Variants in HHIPL1 observed in about 807,000 individuals in gnomAD.
The protein encoded by HHIPL1 is HHIP like 1, also known as HHIP-like protein 1.
In HHIPL1, 43 loss-of-function variants were observed where a neutral mutation model predicts 61.8. The observed-to-expected ratio is 0.70, with a 90% CI of 0.55 to 0.90. The LOEUF is 0.90. HHIPL1 is among the 40% of genes least tolerant of loss of function. HHIPL1 has a pLI of 0.00. For synonymous variants in HHIPL1, 482 were observed against 515.8 expected, an observed-to-expected ratio of 0.93 and a Z score of 0.89; for missense variants, 1,056 against 1,157.7, an observed-to-expected ratio of 0.91 and a Z score of 1.28.
At chr14:99,652,117 T>C (rs2055940494) in intron 1 of HHIPL1, 107 bp from the exon 2 acceptor site, 6 of 1,043,834 alleles carry the variant, frequency 5.7e-6, no homozygotes, top group Non-Finnish European at 8.3e-6. Flanking sequence ...GTCTCCATTT[T>C]ATGGATCAGC....
chr14:99,652,495 C>G lies in HHIPL1; in HGVS notation c.527C>G (p.Ala176Gly). ...NLNSNLGHVV[A>G]DAKGCLQLCL... ...AACTCAAACCTGGGCCACGTGGTAG[C>G]CGATGCCAAGGGCTGCCTGCAGCTG... The change falls in exon 2 of 9, where the codon GCC becomes GGC. Residue 176 changes from alanine to glycine, a missense_variant. By Grantham distance (60) the Ala-to-Gly change is moderately conservative. Coordinates refer to ENST00000330710, the MANE Select transcript of HHIPL1 (RefSeq NM_001127258.3). 1 of 1,613,906 alleles carries G rather than the reference C, an allele frequency of 6.2e-7. No individual in the cohort carries two copies. The highest frequency in any genetic ancestry group is 8.5e-7 in the Non-Finnish European group (1 of 1,180,038).
intron 8 of HHIPL1, among the ~76,000 whole-genome samples, chr14:99,674,568 T>C (rs2056364413): frequency 6.6e-6 from 1 of 152,130 alleles, no homozygotes; most frequent in Non-Finnish European, 1.5e-5. Context: ...GTGTATCCCG[T>C]TCCCAACCTG....
chr14:99,609,386 G>A, the HHIPL1 span, among the ~76,000 whole-genome samples: 2 of 152,198 alleles, frequency 1.3e-5, no homozygotes, highest in African/African-American at 4.8e-5. Flanking sequence ...ATCTTCCCAT[G>A]AGGATATTTC....
the HHIPL1 span, among the ~76,000 whole-genome samples, chr14:99,637,270 G>T: frequency 8.3e-5 from 12 of 145,032 alleles, no homozygotes; most frequent in South Asian, 2.4e-3. Context: ...GAAAGAAAAA[G>T]TGTGGCAAGA....
rs1252386288 is a variant in HHIPL1, at chr14:99,676,827, G to C, written c.*1201G>C. The C allele has an allele frequency of 6.6e-6, 1 of 151,558 alleles. No individual in the cohort carries two copies. The highest frequency in any genetic ancestry group is 1.5e-5 in the Non-Finnish European group (1 of 67,990). 9.4% of individuals were successfully genotyped at this position (151,558 alleles called of 1,614,324 possible). ...CCTGGCTCTGTGCCAGGCCGCAGAG[G>C]GGCACTTAGTATGACTGCGCTCAGC... On this transcript the variant is annotated 3_prime_UTR_variant, in exon 9 of 9. Coordinates refer to ENST00000330710, the MANE Select transcript of HHIPL1 (RefSeq NM_001127258.3).
At chr14:99,625,187 T>C in the HHIPL1 span, 1 of 152,140 alleles carries the variant, frequency 6.6e-6, no homozygotes. Context: ...CCAAGCCGGG[T>C]TGGCCAGAAC....
At chr14:99,612,895 T>C in the HHIPL1 span, among the ~76,000 whole-genome samples, 141,532 of 152,256 alleles carry the variant, frequency 0.93, 66,667 homozygotes, top group East Asian at 1. Context: ...GTCTACAACC[T>C]CACAAAGCCG....
intron 2 of HHIPL1, among the ~76,000 whole-genome samples, chr14:99,655,401 C>T (rs986260246): frequency 7.9e-5 from 12 of 152,104 alleles, no homozygotes; most frequent in East Asian, 5.8e-4. Flanking sequence ...CAAGGAGGAT[C>T]GCTTGAGGAC....
At chr14:99,635,583 C>T in the HHIPL1 span, among the ~76,000 whole-genome samples, 47 of 152,210 alleles carry the variant, frequency 3.1e-4, no homozygotes, top group African/African-American at 1.1e-3. Flanking sequence ...ATCATTAGTT[C>T]TGTGGTTAGC....
At chr14:99,634,761 G>A in the HHIPL1 span, among the ~76,000 whole-genome samples, 6 of 152,228 alleles carry the variant, frequency 3.9e-5, no homozygotes, top group African/African-American at 9.7e-5. Context: ...CTGGGGGAAC[G>A]TGGTCAGGCA....
At chr14:99,657,736 CACAT>C (rs1295080738) in intron 3 of HHIPL1, among the ~76,000 whole-genome samples, 4 of 151,002 alleles carry the variant, frequency 2.6e-5, no homozygotes, top group Admixed American at 6.6e-5. Context: ...CATATATACA[CACAT>C]ACACACACAA....
chr14:99,678,322 G>C lies in HHIPL1; in HGVS notation c.*2696G>C, dbSNP rs543572786. The C allele has an allele frequency of 6.6e-6, 1 of 152,308 alleles. No homozygotes were observed. Among genetic ancestry groups the C allele is most frequent in the South Asian group, 2.1e-4 (1 of 4,826 alleles). 9.4% of individuals were successfully genotyped at this position (152,308 alleles called of 1,614,324 possible). A position where few individuals can be genotyped will look rare whatever the true frequency, so the allele number is the denominator to read the frequency against. ...TCTGCCCTAGGTAGTAATAAGAGTGGACAGCTGTTATATGTAAATACTTGT... is the reference window on the plus strand; with the variant it reads ...TCTGCCCTAGGTAGTAATAAGAGTGCACAGCTGTTATATGTAAATACTTGT... On this transcript the variant is annotated 3_prime_UTR_variant, in exon 9 of 9. Transcript: ENST00000330710.
upstream of HHIPL1, among the ~76,000 whole-genome samples, chr14:99,642,827 A>AT (rs1349233584): frequency 2.0e-5 from 3 of 150,100 alleles, no homozygotes; most frequent in East Asian, 6.0e-4. Flanking sequence ...CCCGGCCTTC[A>AT]TTTTTTTTCT....
intron 1 of HHIPL1, among the ~76,000 whole-genome samples, chr14:99,649,162 C>T (rs2055887463): frequency 6.6e-6 from 1 of 152,182 alleles, no homozygotes; most frequent in Non-Finnish European, 1.5e-5. Flanking sequence ...ACATAGGCCA[C>T]GAGGAAGCAT....
At chr14:99,655,350 G>A (rs769717239) in intron 2 of HHIPL1, among the ~76,000 whole-genome samples, 11 of 152,190 alleles carry the variant, frequency 7.2e-5, no homozygotes, top group African/African-American at 1.9e-4. Flanking sequence ...GGCTGGGTGC[G>A]GTGGCTCAAA....
At chr14:99,606,539 C>A in the HHIPL1 span, among the ~76,000 whole-genome samples, 1 of 152,214 alleles carries the variant, frequency 6.6e-6, no homozygotes, top group African/African-American at 2.4e-5. Flanking sequence ...CCTCCCCGTT[C>A]GTGCATGGCT....
chr14:99,659,641 G>T lies in HHIPL1; in HGVS notation c.1260G>T (p.Val420=). ...GCGGGCGCCTCTTCTGCGGCGACGT[G>T]GGCCAGAACAAGTTCGAGGAGGTGG... ...TGRGRLFCGD[V]GQNKFEEVDV... The change falls in exon 4 of 9, where the codon GTG becomes GTT. Residue 420 remains valine, a synonymous_variant. Transcript: ENST00000330710. 6.4e-7 allele frequency: 1 copy of T among 1,551,046 alleles called. No individual in the cohort carries two copies.
chr14:99,654,439 G>T (rs1449133030), intron 2 of HHIPL1, among the ~76,000 whole-genome samples: 1 of 152,104 alleles, frequency 6.6e-6, no homozygotes, highest in Non-Finnish European at 1.5e-5. Flanking sequence ...CAGAGAAGGG[G>T]AAAAACCCCA....
Position 99,675,380 on chromosome 14 carries a change from C to T in HHIPL1, c.2103C>T (p.Asp701=), listed in dbSNP as rs1464313788. 5.3e-6 allele frequency: 8 copies of T among 1,515,412 alleles called. No homozygotes were observed. The highest frequency in any genetic ancestry group is 7.1e-6 in the Non-Finnish European group (8 of 1,133,796). 93.9% of individuals were successfully genotyped at this position (1,515,412 alleles called of 1,614,324 possible). The change falls in exon 9 of 9, where the codon GAC becomes GAT. Residue 701 remains aspartate, a synonymous_variant. Coordinates refer to ENST00000330710, the MANE Select transcript of HHIPL1 (RefSeq NM_001127258.3). This position sits in a 1 kb window ranked among gnomAD's most constrained non-coding sequence, Gnocchi z 5.4. ...GCGGACGCTGGGGCACCGTGTGCGA[C>T]GACTCCTGGAACATCAGCGGCGCCG... is the stretch of plus-strand genomic sequence containing the variant. ...FVGGRWGTVC[D]DSWNISGAAV... is the part of the protein sequence containing the mutation.
Sources: allele counts gnomAD v4.1 joint callset (sites outside exome capture counted in the v4.1 genomes callset), GRCh38; gene constraint gnomAD v4.1.1; non-coding constraint Gnocchi (gnomAD v3.1); transcripts MANE v1.5; gene names NCBI Gene and HGNC (gene_info 2026-07-23, HGNC 2026-07-21).